The following KIAA1328 variants were observed in gnomAD, a reference collection of about 807,000 sequenced individuals.
KIAA1328 encodes protein hinderin.
In KIAA1328, 52 loss-of-function variants were observed where a neutral mutation model predicts 68.1. That is an observed-to-expected ratio of 0.76 (90% confidence interval 0.61 to 0.96). The LOEUF (loss-of-function observed/expected upper bound fraction) is 0.96, where lower values mean the gene tolerates loss of function less well. Ranked by LOEUF, KIAA1328 falls within the 40% of genes least tolerant of loss-of-function variation. KIAA1328 has a pLI of 0.00. For synonymous variants in KIAA1328, 232 were observed against 239.4 expected (o/e 0.97, Z 0.28); for missense variants, 641 against 677.6 (o/e 0.95, Z 0.60).
intron 7 of KIAA1328, among the ~76,000 whole-genome samples, chr18:37,099,919 A>G (rs1277374576): frequency 6.6e-6 from 1 of 151,642 alleles, no homozygotes; most frequent in African/African-American, 2.4e-5. Context: ...TTTGTTTTCC[A>G]TTTGCTTGGT....
At chr18:36,996,798 C>T (rs895258) in intron 6 of KIAA1328, among the ~76,000 whole-genome samples, 136,334 of 152,220 alleles carry the variant, frequency 0.9, 63,020 homozygotes, top group East Asian at 1. Flanking sequence ...AGAGAGAAAA[C>T]CACATGTATT....
At chr18:36,944,396 G>GT (rs2050821844) in intron 5 of KIAA1328, among the ~76,000 whole-genome samples, 1 of 152,104 alleles carries the variant, frequency 6.6e-6, no homozygotes, top group South Asian at 2.1e-4. Context: ...GGCTAACACG[G>GT]TGAAACCCCA....
At chr18:36,845,783 G>C (rs957263845) in intron 4 of KIAA1328, among the ~76,000 whole-genome samples, 1 of 151,674 alleles carries the variant, frequency 6.6e-6, no homozygotes, top group African/African-American at 2.4e-5. Flanking sequence ...ATGCATGTAT[G>C]TTCAATTGAG....
chr18:37,111,356 T>C (rs1171748798), intron 7 of KIAA1328, among the ~76,000 whole-genome samples: 2 of 152,212 alleles, frequency 1.3e-5, no homozygotes, highest in Non-Finnish European at 2.9e-5. Flanking sequence ...TAGGATTTTA[T>C]GGACTTTAAT....
chr18:36,985,499 A>G (rs1450971163), intron 6 of KIAA1328, among the ~76,000 whole-genome samples: 1 of 152,218 alleles, frequency 6.6e-6, no homozygotes, highest in Non-Finnish European at 1.5e-5. Flanking sequence ...GGGTGTAAAG[A>G]TAGACAAATC....
chr18:37,169,168 A>T (rs542022952), intron 8 of KIAA1328, among the ~76,000 whole-genome samples: 37 of 148,908 alleles, frequency 2.5e-4, no homozygotes, highest in African/African-American at 7.4e-4. Context: ...TTATTTATTT[A>T]TATTTTTTTT....
chr18:37,212,401 C>T (rs576174938), intron 9 of KIAA1328, among the ~76,000 whole-genome samples: 1 of 152,268 alleles, frequency 6.6e-6, no homozygotes, highest in South Asian at 2.1e-4. Context: ...GTAGTCGAAT[C>T]TTGCCTAGGA....
intron 6 of KIAA1328, among the ~76,000 whole-genome samples, chr18:37,008,521 A>C (rs897542142): frequency 1.3e-5 from 2 of 152,222 alleles, no homozygotes; most frequent in Non-Finnish European, 2.9e-5. Flanking sequence ...TACAAAAAAA[A>C]CCCAGAAAAT....
intron 5 of KIAA1328, among the ~76,000 whole-genome samples, chr18:36,897,278 A>G (rs577667745): frequency 1.3e-5 from 2 of 152,170 alleles, no homozygotes; most frequent in East Asian, 3.9e-4. Context: ...GAATTCTTCC[A>G]TCAGAACATC....
At chr18:36,918,617 G>T (rs1331898057) in intron 5 of KIAA1328, among the ~76,000 whole-genome samples, 1 of 152,044 alleles carries the variant, frequency 6.6e-6, no homozygotes, top group Non-Finnish European at 1.5e-5. Flanking sequence ...GTTTCACCAT[G>T]TGGGCCAGGC....
At chr18:37,020,509 A>G (rs747157864) in intron 6 of KIAA1328, among the ~76,000 whole-genome samples, 2 of 152,232 alleles carry the variant, frequency 1.3e-5, no homozygotes, top group African/African-American at 2.4e-5. Context: ...TAGATTTCCT[A>G]ATATTCAGAA....
At chr18:37,140,044 A>G (rs894582706) in intron 7 of KIAA1328, among the ~76,000 whole-genome samples, 3 of 152,208 alleles carry the variant, frequency 2.0e-5, no homozygotes, top group African/African-American at 7.2e-5. Flanking sequence ...TTATTTAATG[A>G]TCAGCCATAA....
chr18:37,064,765 G>A (rs2056286389), intron 6 of KIAA1328, among the ~76,000 whole-genome samples: 1 of 152,120 alleles, frequency 6.6e-6, no homozygotes, highest in African/African-American at 2.4e-5. Flanking sequence ...AGGAGTTGGA[G>A]TGACACACCG....
intron 7 of KIAA1328, among the ~76,000 whole-genome samples, chr18:37,158,112 A>G (rs1017216163): frequency 1.3e-5 from 2 of 151,642 alleles, no homozygotes; most frequent in African/African-American, 4.9e-5. Context: ...ATCTCACTAT[A>G]AGCCCAAACT....
chr18:37,172,881 C>A, intron 8 of KIAA1328, 92 bp from the exon 9 acceptor site: 1 of 846,634 alleles, frequency 1.2e-6, no homozygotes, highest in Non-Finnish European at 1.8e-6. Context: ...GAAGCTTGGA[C>A]ATTCCTATAA....
At chr18:36,940,221 A>C (rs1441542840) in intron 5 of KIAA1328, among the ~76,000 whole-genome samples, 2 of 152,198 alleles carry the variant, frequency 1.3e-5, no homozygotes, top group Non-Finnish European at 2.9e-5. Context: ...GTGCTTGTTA[A>C]CCAGTGCTCC....
intron 6 of KIAA1328, among the ~76,000 whole-genome samples, chr18:37,005,834 T>A (rs148685093): frequency 0.01 from 1,540 of 152,008 alleles, 32 homozygotes; most frequent in African/African-American, 0.035. Flanking sequence ...TTATCTTAAG[T>A]GAAATAAGGT....
At chr18:37,054,232 C>T (rs1039734926) in intron 6 of KIAA1328, among the ~76,000 whole-genome samples, 6 of 152,042 alleles carry the variant, frequency 3.9e-5, no homozygotes, top group African/African-American at 1.4e-4. Flanking sequence ...TTAGTTCATC[C>T]CCTATGGAAA....
chr18:37,100,581 T>G (rs982541469), intron 7 of KIAA1328, among the ~76,000 whole-genome samples: 3 of 152,144 alleles, frequency 2.0e-5, no homozygotes, highest in African/African-American at 7.2e-5. Context: ...CTCTGTAGAC[T>G]CCACCTCTGG....
Sources: allele counts gnomAD v4.1 joint callset (sites outside exome capture counted in the v4.1 genomes callset), GRCh38; gene constraint gnomAD v4.1.1; transcripts MANE v1.5; gene names NCBI Gene and HGNC (gene_info 2026-07-23, HGNC 2026-07-21).